Variants in KATNAL2 observed in about 807,000 individuals in gnomAD.
The protein encoded by KATNAL2 is katanin p60 ATPase-containing subunit A-like 2.
KATNAL2 carries 52 observed loss-of-function variants against 76.3 expected under a neutral mutation model. That is an observed-to-expected ratio of 0.68 (90% CI 0.55 to 0.86). KATNAL2 has a LOEUF of 0.86. KATNAL2 is among the 40% of genes least tolerant of loss of function. The probability of loss-of-function intolerance (pLI) is 0.00; values close to 1 mark genes in which losing one functional copy is unlikely to be tolerated. For synonymous variants in KATNAL2, 243 were observed against 244.2 expected, an observed-to-expected ratio of 1.00 and a Z score of 0.05; for missense variants, 660 against 668.9, an observed-to-expected ratio of 0.99 and a Z score of 0.15.
intron 1 of KATNAL2, among the ~76,000 whole-genome samples, chr18:46,944,012 C>T (rs1312474172): frequency 6.6e-6 from 1 of 152,184 alleles, no homozygotes; most frequent in Non-Finnish European, 1.5e-5. Context: ...TTTGCGAAAA[C>T]TATTTCTCAT....
intron 1 of KATNAL2, among the ~76,000 whole-genome samples, chr18:46,932,547 G>T (rs75390454): frequency 6.6e-6 from 1 of 150,966 alleles, no homozygotes; most frequent in Non-Finnish European, 1.5e-5. Flanking sequence ...GGTGCTGTGC[G>T]CCTGTATGCA....
At chr18:47,068,724 T>C (rs774387960) in intron 11 of KATNAL2, among the ~76,000 whole-genome samples, 11 of 152,336 alleles carry the variant, frequency 7.2e-5, no homozygotes, top group Non-Finnish European at 1.6e-4. Context: ...CTGTTCAGCG[T>C]TGGTGTCTCT....
intron 3 of KATNAL2, among the ~76,000 whole-genome samples, chr18:46,962,005 C>T (rs541112230): frequency 6.6e-6 from 1 of 152,166 alleles, no homozygotes; most frequent in Admixed American, 6.5e-5. Context: ...TAACATTTTT[C>T]CTTTCTAAGT....
intron 4 of KATNAL2, among the ~76,000 whole-genome samples, chr18:47,047,075 C>T (rs1238682627): frequency 6.6e-6 from 1 of 152,142 alleles, no homozygotes; most frequent in Non-Finnish European, 1.5e-5. Context: ...TGTGTACCAT[C>T]ATGCCTGGCT....
At chr18:47,063,488 A>G (rs1012227461) in intron 10 of KATNAL2, 127 bp downstream of exon 10, 17 of 647,634 alleles carry the variant, frequency 2.6e-5, no homozygotes, top group Non-Finnish European at 4.0e-5. Context: ...CCACTTGCGC[A>G]GGCACTCATA....
Position 47,100,506 on chromosome 18 carries a change from C to T in KATNAL2, c.1477+150C>T, listed in dbSNP as rs190509664. The T allele has an allele frequency of 3.9e-4, 256 of 652,478 alleles. 2 individuals carry two copies. The highest frequency in any genetic ancestry group is 5.7e-4 in the Non-Finnish European group (218 of 379,274). 40.4% of individuals were successfully genotyped at this position (652,478 alleles called of 1,614,324 possible). A position where few individuals can be genotyped will look rare whatever the true frequency, so the allele number is the denominator to read the frequency against. ...TCATCCCTCACTCAACTCATTCCTCCGTGGGTGTTCTGATTTGGATCGACT... is the reference window on the plus strand; with the variant it reads ...TCATCCCTCACTCAACTCATTCCTCTGTGGGTGTTCTGATTTGGATCGACT... On this transcript the variant is annotated intron_variant, in intron 17 of 17. Transcript: ENST00000683218.
intron 1 of KATNAL2, among the ~76,000 whole-genome samples, chr18:46,940,973 T>C (rs1243117001): frequency 6.6e-6 from 1 of 152,160 alleles, no homozygotes; most frequent in Non-Finnish European, 1.5e-5. Context: ...TGCAGTGAGC[T>C]ATTGTGATGG....
intron 3 of KATNAL2, among the ~76,000 whole-genome samples, chr18:46,957,050 A>AAG (rs2059772779): frequency 6.6e-6 from 1 of 151,452 alleles, no homozygotes; most frequent in Non-Finnish European, 1.5e-5. Context: ...AAAAAAAAAA[A>AAG]AAAAGAAAAA....
intron 17 of KATNAL2, 147 bp downstream of exon 17, chr18:47,100,503 C>T (rs1302635197): frequency 1.5e-6 from 1 of 656,846 alleles, no homozygotes; most frequent in Admixed American, 2.7e-5. Flanking sequence ...CAACTCATTC[C>T]TCCGTGGGTG....
chr18:47,100,322 G>C lies in KATNAL2; in HGVS notation c.1443G>C (p.Arg481Ser). Residue 481 changes from arginine to serine, a missense_variant, in exon 17 of 18, where the codon AGG (arginine) becomes AGC (serine). Arg to Ser is a moderately radical substitution (Grantham distance 110). Coordinates refer to ENST00000683218, the MANE Select transcript of KATNAL2 (RefSeq NM_001387690.1). Reference sequence around the variant, plus strand: ...GGGAAGCAGCCATGCGGCCCGTGAGGAAGATCTTTGATGCACTTGAAAATC... The same window carrying C: ...GGGAAGCAGCCATGCGGCCCGTGAGCAAGATCTTTGATGCACTTGAAAATC... ...VCREAAMRPV[R>S]KIFDALENHQ... is the part of the protein sequence containing the mutation. 1.2e-6 allele frequency: 2 copies of C among 1,614,112 alleles called. No homozygotes were observed. Among genetic ancestry groups the C allele is most frequent in the Non-Finnish European group, 1.7e-6 (2 of 1,179,978 alleles).
intron 1 of KATNAL2, among the ~76,000 whole-genome samples, chr18:46,936,035 A>G (rs1393346731): frequency 6.6e-6 from 1 of 152,152 alleles, no homozygotes; most frequent in African/African-American, 2.4e-5. Context: ...TAAAATAAAC[A>G]ATTTCAAGTT....
At chr18:46,942,858 G>A (rs1568997522) in intron 1 of KATNAL2, among the ~76,000 whole-genome samples, 1 of 151,634 alleles carries the variant, frequency 6.6e-6, no homozygotes, top group Non-Finnish European at 1.5e-5. Context: ...AGCAATTTTG[G>A]TTGGATGTTG....
intron 4 of KATNAL2, among the ~76,000 whole-genome samples, chr18:47,046,763 A>ACAC: frequency 6.6e-6 from 1 of 152,182 alleles, no homozygotes. Context: ...ATACATTATT[A>ACAC]ACTGAAGTCC....
rs1306616971 is a variant in KATNAL2, at chr18:47,101,330, A to T, written c.*325A>T. On this transcript the variant is annotated 3_prime_UTR_variant, in exon 18 of 18. Transcript: ENST00000683218. Reference sequence around the variant, plus strand: ...TTACTCATTTGTAAACTTTTTAAGAAAAAGATGTACTTAGAAAAGTTGTGT... The same window carrying T: ...TTACTCATTTGTAAACTTTTTAAGATAAAGATGTACTTAGAAAAGTTGTGT... 1 of 246,480 alleles carries T rather than the reference A, an allele frequency of 4.1e-6. No individual in the cohort carries two copies. Among genetic ancestry groups the T allele is most frequent in the Non-Finnish European group, 8.1e-6 (1 of 123,222 alleles). 15.3% of individuals were successfully genotyped at this position (246,480 alleles called of 1,614,324 possible). A position where few individuals can be genotyped will look rare whatever the true frequency, so the allele number is the denominator to read the frequency against.
intron 3 of KATNAL2, among the ~76,000 whole-genome samples, chr18:47,039,802 G>A (rs2060902509): frequency 6.6e-6 from 1 of 152,120 alleles, no homozygotes; most frequent in African/African-American, 2.4e-5. Context: ...AACAGCTATT[G>A]GGCACCCACC....
intron 15 of KATNAL2, among the ~76,000 whole-genome samples, chr18:47,092,922 T>C (rs2063065043): frequency 6.6e-6 from 1 of 152,204 alleles, no homozygotes; most frequent in African/African-American, 2.4e-5. Flanking sequence ...CTTTATTCTA[T>C]CCCCCAACTT....
intron 15 of KATNAL2, among the ~76,000 whole-genome samples, chr18:47,093,280 G>GT (rs1319063642): frequency 1.3e-5 from 2 of 152,134 alleles, no homozygotes; most frequent in Non-Finnish European, 2.9e-5. Context: ...CTGCCACTTA[G>GT]TTAAGTACTA....
chr18:47,033,214 G>C, intron 3 of KATNAL2: 1 of 1,614,036 alleles, frequency 6.2e-7, no homozygotes, highest in Non-Finnish European at 8.5e-7. Flanking sequence ...GCTGGAGGGA[G>C]TGTGGCTGCT....
At chr18:46,942,180 A>G (rs1054847526) in intron 1 of KATNAL2, among the ~76,000 whole-genome samples, 1 of 132,176 alleles carries the variant, frequency 7.6e-6, no homozygotes, top group Admixed American at 7.4e-5. Context: ...GAAATTTAGA[A>G]CTCATATCTA....
Sources: allele counts gnomAD v4.1 joint callset (sites outside exome capture counted in the v4.1 genomes callset), GRCh38; gene constraint gnomAD v4.1.1; transcripts MANE v1.5; gene names NCBI Gene and HGNC (gene_info 2026-07-23, HGNC 2026-07-21).